Variants in EPB41L2 observed in about 807,000 individuals in gnomAD.
EPB41L2 encodes band 4.1-like protein 2.
EPB41L2 carries 43 observed loss-of-function variants against 113.0 expected under a neutral mutation model. That is an observed-to-expected ratio of 0.38 (90% confidence interval 0.30 to 0.49). The LOEUF (loss-of-function observed/expected upper bound fraction) is 0.49. Ranked by LOEUF, EPB41L2 falls within the 20% of genes least tolerant of loss-of-function variation. The probability of loss-of-function intolerance (pLI) is 0.95; values close to 1 mark genes in which losing one functional copy is unlikely to be tolerated. For synonymous variants in EPB41L2, 442 were observed against 436.7 expected, an observed-to-expected ratio of 1.01 and a Z score of -0.15; for missense variants, 1,147 against 1,223.4, an observed-to-expected ratio of 0.94 and a Z score of 0.93.
rs191749806 is a variant in EPB41L2 at position 131,062,936 on chromosome 6, G to C, written c.-15+219C>G. ...CCGGGCAAGAATCGGGTCGGGCAGA[G>C]ACCGGGAAGGAAAGGAGAGAGGGAG... On this transcript the variant is annotated intron_variant, in intron 1 of 19. Coordinates refer to ENST00000337057, the MANE Select transcript of EPB41L2 (RefSeq NM_001431.4). Among the ~76,000 whole-genome samples the C allele has an allele frequency of 2.9e-3, 447 of 152,208 alleles. 2 individuals carry two copies. The highest frequency in any genetic ancestry group is 4.6e-3 in the Non-Finnish European group (310 of 67,976).
At chr6:130,935,605 A>T (rs1210816081) in intron 3 of EPB41L2, among the ~76,000 whole-genome samples, 2 of 152,260 alleles carry the variant, frequency 1.3e-5, no homozygotes, top group Non-Finnish European at 1.5e-5. Context: ...TGTCAATAAC[A>T]GTTGAAGTCT....
At chr6:130,997,664 A>G (rs1396176705) in intron 1 of EPB41L2, among the ~76,000 whole-genome samples, 4 of 152,240 alleles carry the variant, frequency 2.6e-5, no homozygotes, top group Admixed American at 6.5e-5. Flanking sequence ...CATCTGCAGA[A>G]TGTCTCAAAG....
At chr6:130,900,169 C>T (rs926210976) in intron 7 of EPB41L2, among the ~76,000 whole-genome samples, 10 of 152,110 alleles carry the variant, frequency 6.6e-5, no homozygotes, top group Admixed American at 1.3e-4. Flanking sequence ...CAGAATTATA[C>T]AACAAATGTC....
At chr6:131,002,221 C>G (rs1025617403) in intron 1 of EPB41L2, among the ~76,000 whole-genome samples, 2 of 152,128 alleles carry the variant, frequency 1.3e-5, no homozygotes, top group African/African-American at 4.8e-5. Context: ...TAAACTCACA[C>G]AGAGAAGAGA....
chr6:130,891,299 C>A (rs538544980), intron 10 of EPB41L2, among the ~76,000 whole-genome samples: 20 of 151,878 alleles, frequency 1.3e-4, no homozygotes, highest in Admixed American at 1.3e-3. Flanking sequence ...TCTAGACTTT[C>A]TGTACAATTT....
rs1169206527 is a variant in EPB41L2, at chr6:130,839,835, A to G, written c.*769T>C. 1 of 152,236 alleles carries G rather than the reference A, an allele frequency of 6.6e-6. No homozygotes were observed. The highest frequency in any genetic ancestry group is 1.5e-5 in the Non-Finnish European group (1 of 68,048). The allele number at this position is 152,236 out of a possible 1,614,324, so 9.4% of individuals were successfully genotyped here. A position where few individuals can be genotyped will look rare whatever the true frequency, so the allele number is the denominator to read the frequency against. Reference sequence around the variant, plus strand: ...TCTTTCTCTTCCCTCCTGTTCTGGAATGCTGCCGAAGGGCATGTGTCTGAC... The same window carrying G: ...TCTTTCTCTTCCCTCCTGTTCTGGAGTGCTGCCGAAGGGCATGTGTCTGAC... On this transcript the variant is annotated 3_prime_UTR_variant, in exon 20 of 20. Transcript: ENST00000337057.
At chr6:130,888,094 A>T (rs562852875) in intron 11 of EPB41L2, among the ~76,000 whole-genome samples, 6 of 152,344 alleles carry the variant, frequency 3.9e-5, no homozygotes, top group African/African-American at 1.4e-4. Flanking sequence ...AAAAGTAAAC[A>T]GGAAAAAGAA....
At chr6:130,908,346 G>A (rs1418026720) in intron 5 of EPB41L2, among the ~76,000 whole-genome samples, 1 of 152,150 alleles carries the variant, frequency 6.6e-6, no homozygotes, top group Non-Finnish European at 1.5e-5. Context: ...TGACCTCAGA[G>A]AACTGAAAAG....
chr6:130,858,313 C>T (rs1474331497), intron 18 of EPB41L2, 70 bp from the exon 19 acceptor site: 10 of 1,224,372 alleles, frequency 8.2e-6, no homozygotes, highest in Admixed American at 1.9e-5. Flanking sequence ...GCAAAACACA[C>T]ACACACTGAT....
chr6:130,998,201 CCTT>C (rs1783584908), intron 1 of EPB41L2, among the ~76,000 whole-genome samples: 1 of 152,198 alleles, frequency 6.6e-6, no homozygotes, highest in Admixed American at 6.5e-5. Context: ...AATTCCAACT[CCTT>C]CACTTACTAG....
At chr6:131,003,266 C>T (rs1208870910) in intron 1 of EPB41L2, among the ~76,000 whole-genome samples, 1 of 152,160 alleles carries the variant, frequency 6.6e-6, no homozygotes, top group Non-Finnish European at 1.5e-5. Context: ...AGATTTATTC[C>T]ATAAGCCATG....
intron 17 of EPB41L2, 132 bp downstream of exon 17, chr6:130,865,404 C>G: frequency 2.3e-6 from 2 of 877,492 alleles, no homozygotes; most frequent in Non-Finnish European, 3.4e-6. Flanking sequence ...ATACTTTAAA[C>G]CAAGGCATTT....
intron 4 of EPB41L2, among the ~76,000 whole-genome samples, chr6:130,911,102 A>G (rs558776632): frequency 6.6e-6 from 1 of 152,348 alleles, no homozygotes; most frequent in Admixed American, 6.5e-5. Context: ...ACTATTCACA[A>G]TAGCAATGAC....
chr6:130,962,003 G>A (rs985968898), intron 1 of EPB41L2, among the ~76,000 whole-genome samples: 2 of 152,164 alleles, frequency 1.3e-5, no homozygotes, highest in Non-Finnish European at 2.9e-5. Flanking sequence ...GATAAAACTA[G>A]TTTTCATCTG....
At chr6:130,848,546 A>T (rs1777819231) in intron 19 of EPB41L2, among the ~76,000 whole-genome samples, 1 of 152,182 alleles carries the variant, frequency 6.6e-6, no homozygotes, top group Admixed American at 6.5e-5. Context: ...TACTTACAAC[A>T]TATCTCAATT....
intron 18 of EPB41L2, among the ~76,000 whole-genome samples, chr6:130,860,001 G>A (rs1022492168): frequency 1.3e-5 from 2 of 152,194 alleles, no homozygotes; most frequent in African/African-American, 2.4e-5. Flanking sequence ...TGGTTCCAGG[G>A]AAGGGCAGAG....
intron 17 of EPB41L2, among the ~76,000 whole-genome samples, chr6:130,865,201 C>T (rs969560429): frequency 1.3e-5 from 2 of 152,164 alleles, no homozygotes; most frequent in Admixed American, 1.3e-4. Flanking sequence ...CATTCATTCG[C>T]TTTAGTCAGG....
intron 6 of EPB41L2, among the ~76,000 whole-genome samples, chr6:130,901,568 A>G (rs569828188): frequency 6.6e-6 from 1 of 152,312 alleles, no homozygotes; most frequent in South Asian, 2.1e-4. Context: ...CATTTGTAAG[A>G]AAAGCTAAGG....
intron 3 of EPB41L2, among the ~76,000 whole-genome samples, chr6:130,935,564 C>T (rs1808499077): frequency 6.6e-6 from 1 of 152,158 alleles, no homozygotes; most frequent in Admixed American, 6.5e-5. Context: ...TGAAATCCTG[C>T]TACCAACATT....
Sources: allele counts gnomAD v4.1 joint callset (sites outside exome capture counted in the v4.1 genomes callset), GRCh38; gene constraint gnomAD v4.1.1; transcripts MANE v1.5; gene names NCBI Gene and HGNC (gene_info 2026-07-23, HGNC 2026-07-21).